Variants in SAMD12 observed in about 807,000 individuals in gnomAD.
The protein encoded by SAMD12 is sterile alpha motif domain containing 12.
Under a neutral mutation model 15.0 loss-of-function variants are expected in SAMD12, and 9 were observed. The ratio of observed to expected loss-of-function variants is 0.60; its 90% confidence interval spans 0.36 to 1.05. The LOEUF is 1.05. SAMD12 is among the 50% of genes least tolerant of loss of function. SAMD12 has a pLI of 0.01. For synonymous variants in SAMD12, 86 were observed against 90.1 expected (o/e 0.96, Z 0.25); for missense variants, 230 against 234.2 (o/e 0.98, Z 0.12).
At chr8:118,143,471 A>C in the SAMD12 span, among the ~76,000 whole-genome samples, 1 of 152,236 alleles carries the variant, frequency 6.6e-6, no homozygotes, top group Admixed American at 6.5e-5. Flanking sequence ...ACTGAAATGC[A>C]GAACTCATGG....
intron 4 of SAMD12, among the ~76,000 whole-genome samples, chr8:118,235,829 A>T (rs955602551): frequency 6.6e-6 from 1 of 152,140 alleles, no homozygotes; most frequent in Admixed American, 6.5e-5. Context: ...TATTCTTCAT[A>T]AGAATGTGTG....
intron 4 of SAMD12, among the ~76,000 whole-genome samples, chr8:118,370,349 G>T (rs1819023963): frequency 1.3e-5 from 2 of 152,206 alleles, no homozygotes; most frequent in Admixed American, 1.3e-4. Flanking sequence ...ATGCAAATTA[G>T]TTGAACCATT....
the SAMD12 span, among the ~76,000 whole-genome samples, chr8:118,168,948 A>T: frequency 6.6e-6 from 1 of 152,172 alleles, no homozygotes; most frequent in African/African-American, 2.4e-5. Flanking sequence ...GAATTACCTA[A>T]GAGATCACCC....
At chr8:118,303,836 A>C (rs542562070) in intron 4 of SAMD12, among the ~76,000 whole-genome samples, 1 of 152,172 alleles carries the variant, frequency 6.6e-6, no homozygotes, top group Non-Finnish European at 1.5e-5. Context: ...TGCTCTACTC[A>C]TCCCATTCCA....
intron 4 of SAMD12, among the ~76,000 whole-genome samples, chr8:118,343,374 C>A (rs954256553): frequency 7.3e-6 from 1 of 136,970 alleles, no homozygotes; most frequent in Non-Finnish European, 1.5e-5. Flanking sequence ...GGGGGGGAAT[C>A]GTTTTGGGGA....
In SAMD12 at chr8:118,496,896, TA is replaced by T. The variant is rs142488503; in HGVS notation, c.193-56936del. Among the ~76,000 whole-genome samples, 11 of 151,310 alleles carry T rather than the reference TA, an allele frequency of 7.3e-5. No individual in the cohort carries two copies. The East Asian group carries it at 1.2e-3, about 16-fold the overall frequency. On this transcript the variant is annotated intron_variant, in intron 2 of 3. Coordinates refer to ENST00000314727, the MANE Select transcript of SAMD12 (RefSeq NM_207506.3). ...CAAAAAAAAACCCAAATGACCCCAT[TA>T]AAAAAATGGGCAGAGGACATGAACA...
At chr8:118,437,446 C>T (rs1822608653) in intron 3 of SAMD12, among the ~76,000 whole-genome samples, 1 of 152,204 alleles carries the variant, frequency 6.6e-6, no homozygotes, top group Non-Finnish European at 1.5e-5. Flanking sequence ...TTTTTCGACA[C>T]TTCCAGGTGA....
intron 4 of SAMD12, among the ~76,000 whole-genome samples, chr8:118,243,160 T>C (rs1418605295): frequency 6.6e-6 from 1 of 152,214 alleles, no homozygotes; most frequent in Non-Finnish European, 1.5e-5. Context: ...CATGGTTAGA[T>C]TTCAGAAGCA....
intron 3 of SAMD12, among the ~76,000 whole-genome samples, chr8:118,391,484 G>A (rs548125870): frequency 1.3e-5 from 2 of 152,226 alleles, no homozygotes; most frequent in South Asian, 4.2e-4. Context: ...CTATTAACAA[G>A]CATCTTCTTG....
In SAMD12 at chr8:118,254,440, C is replaced by T. The variant is rs529625147; in HGVS notation, c.434-56708G>A. On this transcript the variant is annotated intron_variant, in intron 4 of 4. Coordinates refer to the SAMD12 transcript ENST00000409003. ...ATTCATGCCGCGTAGAAAGACACAG[C>T]GAGCTATGCTGGAAGTGATCTTAAG... 5.9e-5 allele frequency among the ~76,000 whole-genome samples: 9 copies of T among 152,232 alleles called. No individual in the cohort carries two copies. The South Asian group carries it at 6.2e-4, about 11-fold the overall frequency.
At chr8:118,292,957 C>T (rs1178031700) in intron 4 of SAMD12, among the ~76,000 whole-genome samples, 2 of 151,202 alleles carry the variant, frequency 1.3e-5, no homozygotes, top group Non-Finnish European at 2.9e-5. Context: ...TGCCAGATGA[C>T]GAGTTAGTGG....
In SAMD12 at chr8:118,275,505, A is replaced by T. The variant is rs116370595; in HGVS notation, c.434-77773T>A. On this transcript the variant is annotated intron_variant, in intron 4 of 4. Transcript: ENST00000409003. ...AAATAATTTACATGCTTTGGAATGG[A>T]ATACTTGATAAAACTCACTCACATG... Among the ~76,000 whole-genome samples the T allele has an allele frequency of 4.1e-3, 618 of 152,272 alleles. 1 individual carries two copies. The highest frequency in any genetic ancestry group is 0.014 in the African/African-American group (583 of 41,546).
At chr8:118,549,192 C>A (rs906451641) in intron 2 of SAMD12, among the ~76,000 whole-genome samples, 3 of 152,250 alleles carry the variant, frequency 2.0e-5, no homozygotes, top group Non-Finnish European at 4.4e-5. Context: ...TCCCAGCACA[C>A]AGCTGGAGAT....
At chr8:118,134,579 A>G in the SAMD12 span, among the ~76,000 whole-genome samples, 1 of 152,208 alleles carries the variant, frequency 6.6e-6, no homozygotes, top group Non-Finnish European at 1.5e-5. Flanking sequence ...CTACTGAACC[A>G]GAAACTCTGG....
At chr8:118,211,303 G>A (rs988582450) in intron 4 of SAMD12, among the ~76,000 whole-genome samples, 2 of 152,178 alleles carry the variant, frequency 1.3e-5, no homozygotes, top group Admixed American at 1.3e-4. Context: ...AAGCGATGGA[G>A]TCTCACTCAT....
intron 4 of SAMD12, among the ~76,000 whole-genome samples, chr8:118,302,258 G>T (rs1035950652): frequency 6.6e-6 from 1 of 151,856 alleles, no homozygotes; most frequent in Non-Finnish European, 1.5e-5. Flanking sequence ...TGTTAAGGTC[G>T]CATCTTGTAT....
chr8:118,176,850 A>G, the SAMD12 span, among the ~76,000 whole-genome samples: 32 of 152,176 alleles, frequency 2.1e-4, 1 homozygote, highest in African/African-American at 7.7e-4. Context: ...AGTATTTAAC[A>G]TGGAATGAAA....
chr8:118,323,078 C>A (rs1280508428), intron 4 of SAMD12, among the ~76,000 whole-genome samples: 1 of 152,130 alleles, frequency 6.6e-6, no homozygotes, highest in Non-Finnish European at 1.5e-5. Context: ...ACGGCAAGGA[C>A]TGGAGCAATC....
intron 1 of SAMD12, among the ~76,000 whole-genome samples, chr8:118,604,749 G>A (rs1383111936): frequency 3.3e-5 from 5 of 151,758 alleles, no homozygotes; most frequent in Admixed American, 1.3e-4. Flanking sequence ...GTGAAACCCC[G>A]TCTCTACTAA....
Sources: allele counts gnomAD v4.1 joint callset (sites outside exome capture counted in the v4.1 genomes callset), GRCh38; gene constraint gnomAD v4.1.1; transcripts MANE v1.5; gene names NCBI Gene and HGNC (gene_info 2026-07-23, HGNC 2026-07-21).